C10orf88: variants seen among roughly 807,000 people sequenced by gnomAD.
C10orf88 encodes ATPase PAAT.
A neutral mutation model predicts 34.2 loss-of-function variants in C10orf88; 29 were observed. The ratio of observed to expected loss-of-function variants is 0.85; its 90% CI spans 0.63 to 1.16. The LOEUF (loss-of-function observed/expected upper bound fraction) is 1.16, where lower values mean the gene tolerates loss of function less well. C10orf88 is among the 50% of genes most tolerant of loss of function. The pLI is 0.00. For synonymous variants in C10orf88, 194 were observed against 197.4 expected, an observed-to-expected ratio of 0.98 and a Z score of 0.15; for missense variants, 507 against 533.2, an observed-to-expected ratio of 0.95 and a Z score of 0.48.
At chr10:122,941,880 TG>T (rs758439466) in intron 4 of C10orf88, among the ~76,000 whole-genome samples, 2 of 151,962 alleles carry the variant, frequency 1.3e-5, no homozygotes, top group Admixed American at 6.6e-5. Flanking sequence ...TGGGGTGGCA[TG>T]GGGGAGAGCC....
At chr10:122,938,445 T>A (rs1013430501) in intron 4 of C10orf88, among the ~76,000 whole-genome samples, 1 of 152,018 alleles carries the variant, frequency 6.6e-6, no homozygotes, top group Admixed American at 6.6e-5. Flanking sequence ...CCAAAAGAAA[T>A]TAAATAAATA....
chr10:122,940,579 A>T (rs1210059454), intron 4 of C10orf88, among the ~76,000 whole-genome samples: 1 of 152,038 alleles, frequency 6.6e-6, no homozygotes, highest in Admixed American at 6.6e-5. Context: ...ACAATTTAAA[A>T]AAGGTCACAT....
intron 4 of C10orf88, among the ~76,000 whole-genome samples, chr10:122,943,044 A>G (rs1188527288): frequency 6.6e-6 from 1 of 151,826 alleles, no homozygotes; most frequent in African/African-American, 2.4e-5. Flanking sequence ...ATATGGAACC[A>G]AAAAAGAGCC....
intron 4 of C10orf88, among the ~76,000 whole-genome samples, chr10:122,944,247 C>T (rs1422565787): frequency 6.6e-6 from 1 of 151,490 alleles, no homozygotes; most frequent in East Asian, 1.9e-4. Flanking sequence ...AAATTGGAAA[C>T]CATCATTCTC....
At chr10:122,945,406 C>T (rs1367968098) in intron 4 of C10orf88, among the ~76,000 whole-genome samples, 2 of 152,106 alleles carry the variant, frequency 1.3e-5, no homozygotes, top group African/African-American at 4.8e-5. Flanking sequence ...TATATTCCTT[C>T]TGCTTATATG....
At chr10:122,953,163 C>G (rs1314637105) in intron 1 of C10orf88, 131 bp from the exon 2 acceptor site, 3 of 716,520 alleles carry the variant, frequency 4.2e-6, no homozygotes, top group Non-Finnish European at 4.7e-6. Context: ...CTGCACGCTC[C>G]GCCTTCCGGG....
intron 5 of C10orf88, among the ~76,000 whole-genome samples, chr10:122,935,183 G>T (rs906951867): frequency 6.6e-6 from 1 of 151,934 alleles, no homozygotes; most frequent in African/African-American, 2.4e-5. Context: ...CAATAAATCA[G>T]TTTTTTATTT....
Position 122,952,029 on chromosome 10 carries a change from AAAAAT to A in C10orf88, c.369-8_369-4del. ...ACAAAATGATCTTTTCATGTTCACT[AAAAAT>A]AAAAAAGAATTAATTTTTTTTACTT... On this transcript the variant is annotated splice_region_variant and splice_polypyrimidine_tract_variant and intron_variant, in intron 2 of 5. Transcript: ENST00000481909. 5.1e-6 allele frequency: 7 copies of A among 1,385,140 alleles called. No homozygotes were observed. Among genetic ancestry groups the A allele is most frequent in the Non-Finnish European group, 7.0e-6 (7 of 996,266 alleles). The allele number at this position is 1,385,140 out of a possible 1,614,324, so 85.8% of individuals were successfully genotyped here.
Position 122,940,086 on chromosome 10 carries a change from G to A in C10orf88, c.649-1927C>T, listed in dbSNP as rs7075274. ...ATAACTGAAACTGGGATCTCAAAAAGATTATCTGCACTCCCATGTTCACTG... is the reference window on the plus strand; with the variant it reads ...ATAACTGAAACTGGGATCTCAAAAAAATTATCTGCACTCCCATGTTCACTG... On this transcript the variant is annotated intron_variant, in intron 4 of 5. Transcript: ENST00000481909. Among the ~76,000 whole-genome samples, 757 of 151,950 alleles carry A rather than the reference G, an allele frequency of 5.0e-3. 10 individuals are homozygous for A. Among genetic ancestry groups the A allele is most frequent in the African/African-American group, 0.017 (708 of 41,482 alleles).
At chr10:122,942,357 A>G (rs1032340747) in intron 4 of C10orf88, among the ~76,000 whole-genome samples, 6 of 152,220 alleles carry the variant, frequency 3.9e-5, no homozygotes, top group African/African-American at 7.2e-5. Flanking sequence ...TAAATTAGGT[A>G]TTGATAGGAC....
chr10:122,948,646 T>C lies in C10orf88; in HGVS notation c.648+3A>G. On this transcript the variant is annotated splice_donor_region_variant and intron_variant, in intron 4 of 5. Coordinates refer to ENST00000481909, the MANE Select transcript of C10orf88 (RefSeq NM_024942.4). Reference sequence around the variant, plus strand: ...ATCTGGAAAGAAATCCATTTCTACTTACCCGCTGCTGACACCTAACCATAT... The same window carrying C: ...ATCTGGAAAGAAATCCATTTCTACTCACCCGCTGCTGACACCTAACCATAT... The C allele has an allele frequency of 1.2e-6, 2 of 1,612,354 alleles. No homozygotes were observed. Among genetic ancestry groups the C allele is most frequent in the Non-Finnish European group, 1.7e-6 (2 of 1,178,962 alleles).
chr10:122,952,048 T>C, intron 2 of C10orf88, 22 bp from the exon 3 acceptor site: 1 of 1,161,968 alleles, frequency 8.6e-7, no homozygotes, highest in Non-Finnish European at 1.2e-6. Context: ...AAAGAATTAA[T>C]TTTTTTTACT....
At chr10:122,937,641 T>C in intron 5 of C10orf88, 64 bp downstream of exon 5, 2 of 1,390,080 alleles carry the variant, frequency 1.4e-6, no homozygotes, top group Non-Finnish European at 2.0e-6. Context: ...GACAAATCTG[T>C]TTCCTTTCAT....
At position 122,953,032 on chromosome 10, in the gene C10orf88, A is replaced by C. The variant is rs201779200; in HGVS notation, c.165T>G (p.Gly55=). 6 of 1,606,456 alleles carry C rather than the reference A, an allele frequency of 3.7e-6. No individual in the cohort carries two copies. In the East Asian group the frequency reaches 1.3e-4, roughly 36 times the overall value. ...WEELLAPPAP[G]QDLVILKRNH... is the part of the protein sequence containing the mutation. ...TTCTCTTCAAAATCACCAGATCCTGACTGAGAAGAAAATTGGTGAAAACAT... is the reference window on the plus strand; with the variant it reads ...TTCTCTTCAAAATCACCAGATCCTGCCTGAGAAGAAAATTGGTGAAAACAT... Residue 55 remains glycine, a splice_region_variant and synonymous_variant, in exon 2 of 6, where the codon GGT becomes GGG. Transcript: ENST00000481909.
At chr10:122,943,153 A>T (rs1347610739) in intron 4 of C10orf88, among the ~76,000 whole-genome samples, 15 of 148,926 alleles carry the variant, frequency 1.0e-4, no homozygotes, top group African/African-American at 3.7e-4. Flanking sequence ...CCAAAACAGC[A>T]TGGTACTGGT....
chr10:122,937,201 T>C (rs1483246675), intron 5 of C10orf88, among the ~76,000 whole-genome samples: 2 of 151,988 alleles, frequency 1.3e-5, no homozygotes, highest in Admixed American at 6.6e-5. Flanking sequence ...TAATCAAATA[T>C]GTACTGCCAA....
chr10:122,951,832 A>G, intron 3 of C10orf88, 122 bp downstream of exon 3: 1 of 654,620 alleles, frequency 1.5e-6, no homozygotes, highest in South Asian at 1.7e-5. Context: ...ACTGTCTTGA[A>G]AAGAAAAAAA....
intron 4 of C10orf88, among the ~76,000 whole-genome samples, chr10:122,945,550 T>A (rs1848631475): frequency 1.3e-5 from 2 of 152,082 alleles, no homozygotes; most frequent in Admixed American, 1.3e-4. Flanking sequence ...GGACAAGATA[T>A]GGAGGTGGGA....
At chr10:122,940,497 A>G (rs1174542467) in intron 4 of C10orf88, among the ~76,000 whole-genome samples, 1 of 152,064 alleles carries the variant, frequency 6.6e-6, no homozygotes, top group East Asian at 1.9e-4. Context: ...AACAGTGTCT[A>G]TAGTTAACAA....
Sources: allele counts gnomAD v4.1 joint callset (sites outside exome capture counted in the v4.1 genomes callset), GRCh38; gene constraint gnomAD v4.1.1; transcripts MANE v1.5; gene names NCBI Gene and HGNC (gene_info 2026-07-23, HGNC 2026-07-21).